Variants in SLC44A5 observed in about 807,000 individuals in gnomAD.
SLC44A5 encodes the protein solute carrier family 44 member 5.
SLC44A5 carries 57 observed loss-of-function variants against 101.8 expected under a neutral mutation model. The ratio of observed to expected loss-of-function variants is 0.56; its 90% CI spans 0.45 to 0.70. The LOEUF is 0.70. Ranked by LOEUF, SLC44A5 falls within the 30% of genes least tolerant of loss-of-function variation. The pLI, the probability that SLC44A5 is intolerant of heterozygous loss-of-function variation, is 0.00. For synonymous variants in SLC44A5, 281 were observed against 290.9 expected (o/e 0.97, Z 0.35); for missense variants, 737 against 853.1 (o/e 0.86, Z 1.70).
intron 2 of SLC44A5, among the ~76,000 whole-genome samples, chr1:75,456,251 C>T (rs993842012): frequency 3.3e-5 from 5 of 152,020 alleles, no homozygotes; most frequent in African/African-American, 7.2e-5. Context: ...AATTAACACA[C>T]GAACAGAAAA....
At chr1:75,355,532 A>G (rs1659000376) in intron 3 of SLC44A5, among the ~76,000 whole-genome samples, 1 of 152,244 alleles carries the variant, frequency 6.6e-6, no homozygotes, top group South Asian at 2.1e-4. Flanking sequence ...ACTGTTACAT[A>G]TTAAGTGACA....
At chr1:75,569,537 TG>T (rs1443587272) in intron 1 of SLC44A5, among the ~76,000 whole-genome samples, 1 of 152,174 alleles carries the variant, frequency 6.6e-6, no homozygotes, top group Non-Finnish European at 1.5e-5. Context: ...CCACGAAGGC[TG>T]CCCTCAACTT....
chr1:75,548,467 T>C (rs1260093967), intron 1 of SLC44A5, among the ~76,000 whole-genome samples: 1 of 152,150 alleles, frequency 6.6e-6, no homozygotes, highest in Non-Finnish European at 1.5e-5. Context: ...CTACTAAATA[T>C]TACTAATTTT....
intron 2 of SLC44A5, among the ~76,000 whole-genome samples, chr1:75,426,647 T>C (rs549176852): frequency 6.6e-6 from 1 of 152,346 alleles, no homozygotes; most frequent in Non-Finnish European, 1.5e-5. Context: ...TCTCCATATG[T>C]GAAGAAGTAA....
At chr1:75,477,871 G>A (rs573443706) in intron 2 of SLC44A5, among the ~76,000 whole-genome samples, 1 of 152,114 alleles carries the variant, frequency 6.6e-6, no homozygotes, top group East Asian at 1.9e-4. Context: ...AGCAAGGCAG[G>A]CCAACATTCA....
At chr1:75,373,889 G>T (rs1660393948) in intron 3 of SLC44A5, among the ~76,000 whole-genome samples, 1 of 152,148 alleles carries the variant, frequency 6.6e-6, no homozygotes, top group South Asian at 2.1e-4. Context: ...CTACCCAGGG[G>T]CATCAAGCTG....
rs1405345717 is a variant in SLC44A5, at chr1:75,595,805, A to G, written c.-70+15235T>C. Among the ~76,000 whole-genome samples, 4 of 152,350 alleles carry G rather than the reference A, an allele frequency of 2.6e-5. No individual in the cohort carries two copies. In the South Asian group the frequency reaches 6.2e-4, roughly 24 times the overall value. ...TCTATTTTCAAGAAGTTTATGGCTTAATTTTATATTCATGTATAAACTTAC... is the reference window on the plus strand; with the variant it reads ...TCTATTTTCAAGAAGTTTATGGCTTGATTTTATATTCATGTATAAACTTAC... On this transcript the variant is annotated intron_variant, in intron 1 of 23. Transcript: ENST00000370859.
chr1:75,677,745 T>C, the SLC44A5 span: 1 of 441,286 alleles, frequency 2.3e-6, no homozygotes, highest in Admixed American at 2.5e-5. Flanking sequence ...AAAAACACAT[T>C]TCCAAGGGAG....
the SLC44A5 span, among the ~76,000 whole-genome samples, chr1:75,660,694 AG>A: frequency 2.6e-5 from 4 of 152,348 alleles, no homozygotes; most frequent in South Asian, 8.3e-4. Context: ...AAAGTAATCA[AG>A]AAAGCAAGCC....
chr1:75,582,408 G>C, intron 1 of SLC44A5: 2 of 731,056 alleles, frequency 2.7e-6, no homozygotes. Flanking sequence ...TCCAAGCTTG[G>C]GAAGCATGAT....
chr1:75,444,652 T>G (rs765825051), intron 2 of SLC44A5, among the ~76,000 whole-genome samples: 2 of 150,946 alleles, frequency 1.3e-5, no homozygotes, highest in Non-Finnish European at 2.9e-5. Flanking sequence ...AACATGGTAG[T>G]GATAGATGCA....
the SLC44A5 span, among the ~76,000 whole-genome samples, chr1:75,699,525 C>A: frequency 2.0e-4 from 30 of 151,544 alleles, no homozygotes; most frequent in South Asian, 6.3e-3. Flanking sequence ...AAAGGAACAA[C>A]TGGTACCAGC....
intron 1 of SLC44A5, among the ~76,000 whole-genome samples, chr1:75,546,791 G>A (rs757564512): frequency 2.0e-4 from 31 of 151,936 alleles, no homozygotes; most frequent in Non-Finnish European, 4.1e-4. Flanking sequence ...TTATATTAAG[G>A]GTCTTCAGAA....
At chr1:75,622,729 T>G in the SLC44A5 span, among the ~76,000 whole-genome samples, 1 of 152,112 alleles carries the variant, frequency 6.6e-6, no homozygotes, top group South Asian at 2.1e-4. Flanking sequence ...ACAACTAGAA[T>G]TGGTTTCTTT....
the SLC44A5 span, among the ~76,000 whole-genome samples, chr1:75,707,922 A>C: frequency 2.0e-5 from 3 of 152,186 alleles, no homozygotes; most frequent in East Asian, 5.8e-4. Context: ...TGAAAAAATA[A>C]GGAAAGTTGG....
the SLC44A5 span, among the ~76,000 whole-genome samples, chr1:75,722,985 A>G: frequency 7.2e-5 from 11 of 152,232 alleles, no homozygotes; most frequent in Non-Finnish European, 1.6e-4. Flanking sequence ...ATTAGGCCAT[A>G]GCCTGTTTTC....
chr1:75,632,779 G>C, the SLC44A5 span, among the ~76,000 whole-genome samples: 5 of 152,150 alleles, frequency 3.3e-5, no homozygotes, highest in East Asian at 9.7e-4. Flanking sequence ...TTCTGCTTCT[G>C]GCTCAGACAA....
chr1:75,676,392 G>T, the SLC44A5 span, among the ~76,000 whole-genome samples: 1 of 152,176 alleles, frequency 6.6e-6, no homozygotes, highest in Non-Finnish European at 1.5e-5. Flanking sequence ...ACAAGATCAT[G>T]TCCTTTGCAG....
At chr1:75,636,221 A>C in the SLC44A5 span, among the ~76,000 whole-genome samples, 5 of 151,988 alleles carry the variant, frequency 3.3e-5, no homozygotes, top group Non-Finnish European at 7.4e-5. Context: ...AACTGTTATC[A>C]TATATATAAA....
Sources: allele counts gnomAD v4.1 joint callset (sites outside exome capture counted in the v4.1 genomes callset), GRCh38; gene constraint gnomAD v4.1.1; transcripts MANE v1.5; gene names NCBI Gene and HGNC (gene_info 2026-07-23, HGNC 2026-07-21).